BFAR: variants seen among roughly 807,000 people sequenced by gnomAD.
BFAR encodes bifunctional apoptosis regulator.
A neutral mutation model predicts 54.4 loss-of-function variants in BFAR; 52 were observed. The observed-to-expected ratio is 0.96, with a 90% CI of 0.77 to 1.21. The LOEUF is 1.21. Ranked by LOEUF, BFAR falls within the 50% of genes most tolerant of loss-of-function variation. The pLI is 0.00. For synonymous variants in BFAR, 215 were observed against 204.3 expected (o/e 1.05, Z -0.45); for missense variants, 571 against 534.0 (o/e 1.07, Z -0.68).
intron 5 of BFAR, among the ~76,000 whole-genome samples, chr16:14,660,625 G>C (rs1377669245): frequency 1.4e-5 from 2 of 143,912 alleles, no homozygotes; most frequent in East Asian, 2.2e-4. Context: ...CTTACGCCAG[G>C]CGTGGTGGCT....
intron 1 of BFAR, among the ~76,000 whole-genome samples, chr16:14,633,981 C>T (rs1040482287): frequency 6.6e-6 from 1 of 152,030 alleles, no homozygotes; most frequent in Admixed American, 6.6e-5. Flanking sequence ...AAAAAGCCGG[C>T]GGGAGGGGGC....
intron 5 of BFAR, among the ~76,000 whole-genome samples, chr16:14,660,106 C>G (rs1161299310): frequency 3.9e-5 from 6 of 152,168 alleles, no homozygotes; most frequent in Non-Finnish European, 8.8e-5. Flanking sequence ...CCTCCTGCCC[C>G]TGTTAAGCCT....
intron 1 of BFAR, among the ~76,000 whole-genome samples, chr16:14,640,130 C>T (rs953777552): frequency 5.5e-5 from 8 of 145,558 alleles, no homozygotes; most frequent in Non-Finnish European, 1.2e-4. Context: ...CCAGCCTGGG[C>T]AACAGAGTGA....
At chr16:14,634,891 A>G (rs535098860) in intron 1 of BFAR, among the ~76,000 whole-genome samples, 15 of 152,354 alleles carry the variant, frequency 9.8e-5, no homozygotes, top group African/African-American at 3.6e-4. Context: ...GCTAATGCAC[A>G]GAGACAAGAA....
chr16:14,643,247 T>C (rs561239941), intron 1 of BFAR, among the ~76,000 whole-genome samples: 1 of 152,142 alleles, frequency 6.6e-6, no homozygotes, highest in South Asian at 2.1e-4. Flanking sequence ...CAGGCAGAGG[T>C]TGACGTGAGC....
At chr16:14,644,845 G>T (rs1408413314) in intron 2 of BFAR, among the ~76,000 whole-genome samples, 1 of 152,028 alleles carries the variant, frequency 6.6e-6, no homozygotes, top group East Asian at 1.9e-4. Context: ...GTGTTTGAAA[G>T]GTCGCACACT....
intron 1 of BFAR, among the ~76,000 whole-genome samples, chr16:14,634,557 C>T (rs1179495010): frequency 6.6e-6 from 1 of 152,166 alleles, no homozygotes; most frequent in Non-Finnish European, 1.5e-5. Flanking sequence ...GGCGGGGCTC[C>T]GCAGCTCACG....
intron 1 of BFAR, among the ~76,000 whole-genome samples, chr16:14,634,258 G>A (rs1959363482): frequency 6.6e-6 from 1 of 152,216 alleles, no homozygotes; most frequent in African/African-American, 2.4e-5. Context: ...TGCTGATGGG[G>A]TTGTTTTGTT....
chr16:14,636,674 A>T (rs936033053), intron 1 of BFAR, among the ~76,000 whole-genome samples: 1 of 152,184 alleles, frequency 6.6e-6, no homozygotes, highest in Admixed American at 6.5e-5. Context: ...AATCCTCCTC[A>T]GCACAGACCC....
At chr16:14,646,451 G>A (rs59530942) in intron 2 of BFAR, among the ~76,000 whole-genome samples, 2,332 of 152,186 alleles carry the variant, frequency 0.015, 40 homozygotes, top group African/African-American at 0.053. Flanking sequence ...GCCTCCCAAA[G>A]TGCTGGGATT....
At chr16:14,645,442 G>T (rs1567487117) in intron 2 of BFAR, among the ~76,000 whole-genome samples, 1 of 152,216 alleles carries the variant, frequency 6.6e-6, no homozygotes, top group Non-Finnish European at 1.5e-5. Context: ...AGTTTCTCAT[G>T]TGTAGCATCA....
chr16:14,649,732 C>T, intron 3 of BFAR, 72 bp from the exon 4 acceptor site: 3 of 1,385,848 alleles, frequency 2.2e-6, no homozygotes, highest in Non-Finnish European at 3.0e-6. Context: ...CTTTCCCCAC[C>T]TCCCACCCGC....
At position 14,633,406 on chromosome 16, in the gene BFAR, C is replaced by G. The variant is rs549675011; in HGVS notation, c.-74+388C>G. ...GCGCCTGCCCGCCAGGAGCGCTTGC[C>G]ACACCCTGCAACAGCCGGACCAGAA... On this transcript the variant is annotated intron_variant, in intron 1 of 7. Transcript: ENST00000261658. 164 of 152,668 alleles carry G rather than the reference C, an allele frequency of 1.1e-3. 1 individual carries two copies. The highest frequency in any genetic ancestry group is 3.5e-3 in the Admixed American group (53 of 15,308). 9.5% of individuals were successfully genotyped at this position (152,668 alleles called of 1,614,324 possible).
At chr16:14,664,099 C>G (rs768471266) in intron 6 of BFAR, among the ~76,000 whole-genome samples, 2 of 151,922 alleles carry the variant, frequency 1.3e-5, no homozygotes, top group Admixed American at 1.3e-4. Flanking sequence ...AAAAATTAGC[C>G]GGGCGTGGTG....
chr16:14,637,668 T>C (rs892976119), intron 1 of BFAR, among the ~76,000 whole-genome samples: 12 of 152,052 alleles, frequency 7.9e-5, no homozygotes, highest in South Asian at 2.1e-4. Context: ...AAACCCCATC[T>C]CTACGAAAAA....
At chr16:14,648,347 G>T (rs747069725) in intron 2 of BFAR, 41 bp from the exon 3 acceptor site, 1 of 1,522,726 alleles carries the variant, frequency 6.6e-7, no homozygotes, top group South Asian at 1.1e-5. Flanking sequence ...ATGATATTTA[G>T]TCAAACAACT....
intron 1 of BFAR, among the ~76,000 whole-genome samples, chr16:14,641,862 C>CTAAAA (rs1281009280): frequency 6.6e-6 from 1 of 152,176 alleles, no homozygotes; most frequent in Non-Finnish European, 1.5e-5. Context: ...AACTCTATCA[C>CTAAAA]TAAAATAAAA....
At chr16:14,646,799 C>T (rs1294216083) in intron 2 of BFAR, among the ~76,000 whole-genome samples, 1 of 152,016 alleles carries the variant, frequency 6.6e-6, no homozygotes, top group African/African-American at 2.4e-5. Flanking sequence ...CGCCCAGCCT[C>T]TTTTTAAAAT....
intron 5 of BFAR, among the ~76,000 whole-genome samples, chr16:14,657,168 A>G (rs1213334527): frequency 6.6e-6 from 1 of 152,148 alleles, no homozygotes; most frequent in Non-Finnish European, 1.5e-5. Flanking sequence ...AACTAGTTTC[A>G]AATATTGTAA....
Sources: allele counts gnomAD v4.1 joint callset (sites outside exome capture counted in the v4.1 genomes callset), GRCh38; gene constraint gnomAD v4.1.1; transcripts MANE v1.5; gene names NCBI Gene and HGNC (gene_info 2026-07-23, HGNC 2026-07-21).